SSBP2: variants seen among roughly 807,000 people sequenced by gnomAD.
The protein encoded by SSBP2 is single-stranded DNA-binding protein 2.
In SSBP2, 17 loss-of-function variants were observed where a neutral mutation model predicts 61.8. The ratio of observed to expected loss-of-function variants is 0.28; its 90% CI spans 0.19 to 0.41. The LOEUF (loss-of-function observed/expected upper bound fraction) is 0.41, where lower values mean the gene tolerates loss of function less well. Among genes scored for constraint, SSBP2 ranks in the 10% least tolerant of loss-of-function variants. SSBP2 has a pLI of 1.00. For missense variants in SSBP2, 310 were observed against 458.7 expected (o/e 0.68, Z 2.96); for synonymous variants, 139 against 141.3 (o/e 0.98, Z 0.12).
At chr5:81,437,688 T>A (rs1228408605) in intron 14 of SSBP2, 3 of 320,572 alleles carry the variant, frequency 9.4e-6, no homozygotes, top group Non-Finnish European at 1.7e-5. Context: ...TTTTTTTTTA[T>A]GGAAGCATGA....
chr5:81,721,931 A>C (rs909774703), intron 1 of SSBP2, among the ~76,000 whole-genome samples: 1 of 152,054 alleles, frequency 6.6e-6, no homozygotes, highest in East Asian at 1.9e-4. Flanking sequence ...CTGCTGCTTC[A>C]TCCCTATACT....
chr5:81,716,839 A>T (rs1277348022), intron 1 of SSBP2, among the ~76,000 whole-genome samples: 1 of 152,190 alleles, frequency 6.6e-6, no homozygotes, highest in Non-Finnish European at 1.5e-5. Context: ...GAACACATTT[A>T]AAGTTCAGAT....
At chr5:81,428,456 TTC>T (rs1305455069) in intron 16 of SSBP2, 127 bp downstream of exon 16, 1 of 620,430 alleles carries the variant, frequency 1.6e-6, no homozygotes, top group Non-Finnish European at 2.8e-6. Flanking sequence ...CACTTAAAGT[TTC>T]TCTTATCTAA....
At chr5:81,481,639 C>G (rs1766000247) in intron 6 of SSBP2, among the ~76,000 whole-genome samples, 1 of 143,896 alleles carries the variant, frequency 6.9e-6, no homozygotes, top group Non-Finnish European at 1.5e-5. Flanking sequence ...AAAAAACAAA[C>G]TGAAAGTAAA....
intron 1 of SSBP2, among the ~76,000 whole-genome samples, chr5:81,696,348 G>A (rs1411204926): frequency 6.6e-6 from 1 of 152,046 alleles, no homozygotes; most frequent in African/African-American, 2.4e-5. Flanking sequence ...TCTCCTTCCT[G>A]TCACAGATGC....
chr5:81,617,911 T>G lies in SSBP2; in HGVS notation c.198-2354A>C, dbSNP rs538121505. Among the ~76,000 whole-genome samples the G allele has an allele frequency of 2.6e-4, 35 of 136,122 alleles. 1 individual carries two copies. The highest frequency in any genetic ancestry group is 4.5e-4 in the Non-Finnish European group (28 of 61,766). 89.3% of individuals were successfully genotyped at this position (136,122 alleles called of 152,430 possible). On this transcript the variant is annotated intron_variant, in intron 3 of 16. Coordinates refer to ENST00000320672, the MANE Select transcript of SSBP2 (RefSeq NM_012446.5). The stretch of plus-strand genomic sequence containing the variant: ...ATAGACAAGCAAATGCTAAGAGATT[T>G]TGTCACCACCAGGCCTGCCCTAAAA...
chr5:81,530,652 A>G (rs1426853824), intron 4 of SSBP2, among the ~76,000 whole-genome samples: 1 of 152,098 alleles, frequency 6.6e-6, no homozygotes, highest in Non-Finnish European at 1.5e-5. Flanking sequence ...AGGAGAAAAC[A>G]CAAACTATTC....
intron 1 of SSBP2, among the ~76,000 whole-genome samples, chr5:81,659,661 C>G (rs967809096): frequency 1.3e-5 from 2 of 152,104 alleles, no homozygotes; most frequent in African/African-American, 2.4e-5. Context: ...CTAAAAAAAA[C>G]TACTTTAAAT....
intron 4 of SSBP2, among the ~76,000 whole-genome samples, chr5:81,603,118 T>C (rs1344183467): frequency 6.6e-6 from 1 of 152,208 alleles, no homozygotes; most frequent in African/African-American, 2.4e-5. Context: ...TAACCTTTTA[T>C]TATGCTCATG....
At chr5:81,529,974 T>C (rs561451793) in intron 4 of SSBP2, among the ~76,000 whole-genome samples, 16 of 152,198 alleles carry the variant, frequency 1.1e-4, no homozygotes, top group African/African-American at 3.9e-4. Context: ...GAAACCAGCA[T>C]TTAAAATGAT....
chr5:81,650,707 G>GA (rs1749650439), intron 1 of SSBP2, among the ~76,000 whole-genome samples: 1 of 152,008 alleles, frequency 6.6e-6, no homozygotes, highest in African/African-American at 2.4e-5. Flanking sequence ...TTAAGTTAGT[G>GA]AACTTTCCCA....
intron 1 of SSBP2, among the ~76,000 whole-genome samples, chr5:81,727,147 G>A (rs189736194): frequency 4.6e-5 from 7 of 152,304 alleles, no homozygotes; most frequent in Admixed American, 4.6e-4. Context: ...CCACTTACTA[G>A]CTAAGTGTCT....
intron 4 of SSBP2, among the ~76,000 whole-genome samples, chr5:81,515,162 A>G (rs149564950): frequency 1.2e-3 from 179 of 151,418 alleles, no homozygotes; most frequent in African/African-American, 4.3e-3. Context: ...TAATACAACA[A>G]TGTTACAGTA....
intron 1 of SSBP2, among the ~76,000 whole-genome samples, chr5:81,720,884 T>C (rs1324097823): frequency 6.6e-6 from 1 of 152,214 alleles, no homozygotes; most frequent in Non-Finnish European, 1.5e-5. Context: ...CACATAAAAG[T>C]AAAACTAGGT....
chr5:81,731,907 T>C (rs1581439017), intron 1 of SSBP2, among the ~76,000 whole-genome samples: 1 of 151,818 alleles, frequency 6.6e-6, no homozygotes, highest in African/African-American at 2.4e-5. Context: ...TTCATTTCAA[T>C]TATGTCAGGA....
At chr5:81,688,781 A>C (rs1753002560) in intron 1 of SSBP2, among the ~76,000 whole-genome samples, 1 of 152,148 alleles carries the variant, frequency 6.6e-6, no homozygotes, top group African/African-American at 2.4e-5. Context: ...CAAATTGCAA[A>C]GATTACAATG....
intron 1 of SSBP2, among the ~76,000 whole-genome samples, chr5:81,716,217 C>T (rs1755162953): frequency 6.6e-6 from 1 of 151,750 alleles, no homozygotes; most frequent in African/African-American, 2.4e-5. Context: ...CAAAAAAAAT[C>T]AGCTAAAATA....
chr5:81,572,619 T>C (rs752513925), intron 4 of SSBP2, among the ~76,000 whole-genome samples: 1 of 152,154 alleles, frequency 6.6e-6, no homozygotes, highest in African/African-American at 2.4e-5. Flanking sequence ...AAAAGAACTT[T>C]AGAGGTTATA....
intron 5 of SSBP2, among the ~76,000 whole-genome samples, chr5:81,501,080 G>A (rs1453662331): frequency 6.7e-6 from 1 of 149,040 alleles, no homozygotes; most frequent in East Asian, 2.0e-4. Context: ...CGGGTGTGGT[G>A]GGCACCTGTA....
Sources: gnomAD v4.1 joint callset for allele counts (sites outside exome capture counted in the v4.1 genomes callset) on GRCh38, gnomAD v4.1.1 for gene constraint, MANE v1.5 for transcripts, NCBI Gene and HGNC (gene_info 2026-07-23, HGNC 2026-07-21) for gene names.